Variants in BLTP3A observed in about 807,000 individuals in gnomAD.
BLTP3A encodes ICBP90 binding protein 1.
the BLTP3A span, chr6:34,857,187 A>C: frequency 3.1e-5 from 35 of 1,118,718 alleles, no homozygotes; most frequent in African/African-American, 4.4e-4. Context: ...AGGTGTGAGA[A>C]CACCTGGAAT....
the BLTP3A span, chr6:34,857,868 G>A: frequency 6.2e-7 from 1 of 1,614,084 alleles, no homozygotes; most frequent in South Asian, 1.1e-5. Context: ...GAAGATTCAA[G>A]TCAGAAAGAT....
chr6:34,819,431 T>A, the BLTP3A span, among the ~76,000 whole-genome samples: 1 of 151,496 alleles, frequency 6.6e-6, no homozygotes, highest in African/African-American at 2.4e-5. Flanking sequence ...AGAAGGGAAC[T>A]GGGAGTAGTT....
the BLTP3A span, chr6:34,867,744 TA>T: frequency 1.6e-5 from 20 of 1,258,480 alleles, no homozygotes; most frequent in South Asian, 3.2e-5. Context: ...CAGCAGCCAT[TA>T]GGGGGAGGAA....
the BLTP3A span, among the ~76,000 whole-genome samples, chr6:34,809,313 A>C: frequency 6.6e-6 from 1 of 152,154 alleles, no homozygotes; most frequent in Non-Finnish European, 1.5e-5. Context: ...GGATTGATTG[A>C]GCCCAGGAGG....
At chr6:34,855,626 C>A in the BLTP3A span, 2 of 1,613,482 alleles carry the variant, frequency 1.2e-6, no homozygotes, top group Non-Finnish European at 1.7e-6. Flanking sequence ...GGTGTCTCTG[C>A]CAACAGACTC....
the BLTP3A span, among the ~76,000 whole-genome samples, chr6:34,851,015 T>G: frequency 7.2e-5 from 11 of 152,112 alleles, no homozygotes; most frequent in African/African-American, 2.7e-4. Context: ...TTTTAGAAAT[T>G]ATTTTAATCT....
chr6:34,792,359 C>T, the BLTP3A span: 14 of 1,420,424 alleles, frequency 9.9e-6, no homozygotes, highest in Admixed American at 2.5e-5. Context: ...GACCTCCTCC[C>T]TGACGCCGCG....
the BLTP3A span, among the ~76,000 whole-genome samples, chr6:34,822,335 T>C: frequency 2.6e-5 from 4 of 151,316 alleles, no homozygotes; most frequent in South Asian, 8.4e-4. Flanking sequence ...CTCTGCCTCC[T>C]GGGTTCAAGC....
chr6:34,843,050 C>T, the BLTP3A span, among the ~76,000 whole-genome samples: 1 of 152,144 alleles, frequency 6.6e-6, no homozygotes, highest in Non-Finnish European at 1.5e-5. Context: ...ATGGCATGAT[C>T]ATAGTTCACT....
chr6:34,821,184 G>A, the BLTP3A span, among the ~76,000 whole-genome samples: 2 of 151,348 alleles, frequency 1.3e-5, no homozygotes, highest in African/African-American at 4.9e-5. Flanking sequence ...TCGAACTCCC[G>A]ACCTCAGGTG....
the BLTP3A span, among the ~76,000 whole-genome samples, chr6:34,824,283 A>C: frequency 6.6e-6 from 1 of 152,148 alleles, no homozygotes; most frequent in Non-Finnish European, 1.5e-5. Flanking sequence ...CTGTAATCCC[A>C]GCACTTTGGG....
At chr6:34,821,785 T>C in the BLTP3A span, 1 of 1,614,162 alleles carries the variant, frequency 6.2e-7, no homozygotes, top group South Asian at 1.1e-5. Context: ...TAGCCATCAC[T>C]CGGGTCTACT....
At chr6:34,804,474 G>A in the BLTP3A span, among the ~76,000 whole-genome samples, 1 of 152,154 alleles carries the variant, frequency 6.6e-6, no homozygotes, top group African/African-American at 2.4e-5. Flanking sequence ...CTGCAGAGCT[G>A]GGGGGTTGGA....
the BLTP3A span, chr6:34,823,294 A>AGGAT: frequency 2.5e-6 from 4 of 1,614,106 alleles, no homozygotes; most frequent in Non-Finnish European, 2.5e-6. Flanking sequence ...AAGACATGTG[A>AGGAT]GGATCCTCGG....
At chr6:34,817,258 G>T in the BLTP3A span, among the ~76,000 whole-genome samples, 1 of 152,120 alleles carries the variant, frequency 6.6e-6, no homozygotes, top group Non-Finnish European at 1.5e-5. Flanking sequence ...TTTCTTTCCG[G>T]AAGAGAAATA....
the BLTP3A span, chr6:34,867,526 G>C: frequency 3.1e-6 from 5 of 1,614,170 alleles, no homozygotes; most frequent in Non-Finnish European, 4.2e-6. Context: ...ACGTGGTGAG[G>C]ACCTGACTGT....
At chr6:34,822,964 A>C in the BLTP3A span, among the ~76,000 whole-genome samples, 5 of 152,280 alleles carry the variant, frequency 3.3e-5, no homozygotes, top group South Asian at 1.0e-3. Context: ...ATCCCCAGGA[A>C]AAATAATATT....
chr6:34,867,238 A>G, the BLTP3A span: 7 of 1,612,536 alleles, frequency 4.3e-6, no homozygotes, highest in Non-Finnish European at 5.9e-6. Flanking sequence ...CTGGTCCAGA[A>G]TCTGTTCCAC....
At chr6:34,854,267 G>A in the BLTP3A span, among the ~76,000 whole-genome samples, 1 of 151,408 alleles carries the variant, frequency 6.6e-6, no homozygotes, top group Admixed American at 6.6e-5. Context: ...TTCATTTGTG[G>A]AAAAAAAATT....
Sources: allele counts gnomAD v4.1 joint callset (sites outside exome capture counted in the v4.1 genomes callset), GRCh38; gene constraint gnomAD v4.1.1; transcripts MANE v1.5; gene names NCBI Gene and HGNC (gene_info 2026-07-23, HGNC 2026-07-21).